ARHGEF18: variants seen among roughly 807,000 people sequenced by gnomAD.
The protein encoded by ARHGEF18 is Rho/Rac guanine nucleotide exchange factor 18.
Under a neutral mutation model 155.7 loss-of-function variants are expected in ARHGEF18, and 93 were observed. The observed-to-expected ratio is 0.60, with a 90% CI of 0.50 to 0.71. ARHGEF18 has a LOEUF of 0.71. ARHGEF18 is among the 30% of genes least tolerant of loss of function. The pLI is 0.00. For synonymous variants in ARHGEF18, 742 were observed against 753.1 expected (o/e 0.99, Z 0.24); for missense variants, 1,593 against 1,816.1 (o/e 0.88, Z 2.23).
Position 7,358,271 on chromosome 19 carries a change from TTCCATCCA to T in ARHGEF18, c.-110-4493_-110-4486del, listed in dbSNP as rs144388403. On this transcript the variant is annotated intron_variant, in intron 1 of 28. Transcript: ENST00000668164. ...CATCCACCCATTCTTCCATCCATTC[TTCCATCCA>T]TCCATCCATCCATCCACTCTTCCAT... Among the ~76,000 whole-genome samples, 583 of 133,446 alleles carry T rather than the reference TTCCATCCA, an allele frequency of 4.4e-3. 8 individuals are homozygous for T. The highest frequency in any genetic ancestry group is 0.016 in the African/African-American group (542 of 33,548). The allele number at this position is 133,446 out of a possible 152,430, so 87.5% of individuals were successfully genotyped here.
chr19:7,419,079 C>A (rs1257738798), intron 10 of ARHGEF18, among the ~76,000 whole-genome samples: 1 of 148,486 alleles, frequency 6.7e-6, no homozygotes, highest in Non-Finnish European at 1.5e-5. Flanking sequence ...CACACTCGGC[C>A]TCTGTACCCT....
chr19:7,387,525 T>A (rs996752990), intron 10 of ARHGEF18, among the ~76,000 whole-genome samples: 29 of 152,278 alleles, frequency 1.9e-4, no homozygotes, highest in African/African-American at 6.7e-4. Flanking sequence ...GTTTTTTACA[T>A]TTGTAAATGG....
chr19:7,441,680 C>T lies in ARHGEF18; in HGVS notation c.1134C>T (p.Ala378=), dbSNP rs949871353. The change falls in exon 12 of 29, where the codon GCC becomes GCT. Residue 378 remains alanine (A), a synonymous_variant. Transcript: ENST00000668164. ...CAATCACAGGAGAGATGGATGAAGC[C>T]GATTCTGCGTTTTTAAAATTTAAGC... ...LGPITGEMDE[A]DSAFLKFKQT... is the part of the protein sequence containing the mutation. 2.5e-6 allele frequency: 4 copies of T among 1,613,968 alleles called. No homozygotes were observed. Among genetic ancestry groups the T allele is most frequent in the African/African-American group, 1.3e-5 (1 of 74,902 alleles).
chr19:7,456,454 C>G lies in ARHGEF18; in HGVS notation c.2181+51C>G, dbSNP rs749129643. 16 of 1,544,008 alleles carry G rather than the reference C, an allele frequency of 1.0e-5. No homozygotes were observed. In the South Asian group the frequency reaches 1.7e-4, roughly 16 times the overall value. Reference sequence around the variant, plus strand: ...AGGGTCGGCTGGGTGCTGTGGCTCACGTCTATAATCCCAGCACTTTGGGAG... The same window carrying G: ...AGGGTCGGCTGGGTGCTGTGGCTCAGGTCTATAATCCCAGCACTTTGGGAG... On this transcript the variant is annotated intron_variant, in intron 18 of 28. Coordinates refer to ENST00000668164, the MANE Select transcript of ARHGEF18 (RefSeq NM_001367823.1).
Position 7,443,206 on chromosome 19 carries a change from A to G in ARHGEF18, c.1361-998A>G, listed in dbSNP as rs1974781427. Among the ~76,000 whole-genome samples, 3 of 151,466 alleles carry G rather than the reference A, an allele frequency of 2.0e-5. No individual in the cohort carries two copies. The South Asian group carries it at 6.3e-4, about 32-fold the overall frequency. ...CAAATAGCTGGAATTACAGGCGCCCACTGCCACGCCCAGCTAATTTTTGTA... is the reference window on the plus strand; with the variant it reads ...CAAATAGCTGGAATTACAGGCGCCCGCTGCCACGCCCAGCTAATTTTTGTA... On this transcript the variant is annotated intron_variant, in intron 13 of 28. Transcript: ENST00000668164.
Position 7,451,266 on chromosome 19 carries a change from G to A in ARHGEF18, c.1855G>A (p.Ala619Thr), listed in dbSNP as rs756709811. ...LVERIIQNTE[A>T]GTEDYEDLTQ... ...GGAGCGCATCATCCAGAACACGGAA[G>A]GTAGGCCTTCTCCCCACTGCCCCGC... The change falls in exon 16 of 29, where the codon GCT (alanine) becomes ACT (threonine). Residue 619 changes from alanine to threonine, a missense_variant and splice_region_variant. By Grantham distance (58) the Ala-to-Thr change is moderately conservative. Transcript: ENST00000668164. 1.2e-5 allele frequency: 20 copies of A among 1,613,488 alleles called. No homozygotes were observed. Among genetic ancestry groups the A allele is most frequent in the Non-Finnish European group, 1.7e-5 (20 of 1,179,866 alleles).
downstream of ARHGEF18, among the ~76,000 whole-genome samples, chr19:7,474,754 A>AGTGAGTGTGTGTGTGT (rs796866599): frequency 3.0e-4 from 43 of 142,038 alleles, no homozygotes; most frequent in African/African-American, 1.1e-3. Context: ...TGGGCATTGG[A>AGTGAGTGTGTGTGTGT]GTGTGTGTGT....
rs752960411 is a variant in ARHGEF18 at position 7,382,914 on chromosome 19, G to A, written c.825+20G>A. ...GAGAAGGTAAGGGGAGCTAAGCCAC[G>A]GGGGCCCTCCTCTGCCTTCCCCAGC... On this transcript the variant is annotated intron_variant, in intron 9 of 28. Transcript: ENST00000668164. 136 of 1,232,446 alleles carry A rather than the reference G, an allele frequency of 1.1e-4. No individual in the cohort carries two copies. The highest frequency in any genetic ancestry group is 1.2e-4 in the Non-Finnish European group (119 of 988,212). The allele number at this position is 1,232,446 out of a possible 1,614,324, so 76.3% of individuals were successfully genotyped here.
intron 26 of ARHGEF18, 66 bp from the exon 27 acceptor site, chr19:7,468,759 C>CG: frequency 1.4e-6 from 2 of 1,459,102 alleles, no homozygotes; most frequent in Non-Finnish European, 1.8e-6. Context: ...GCACGACCCT[C>CG]GGGGGCTCTC....
chr19:7,395,074 G>A lies in ARHGEF18; in HGVS notation c.967+11871G>A. On this transcript the variant is annotated intron_variant, in intron 10 of 28. Transcript: ENST00000668164. The surrounding 1 kb of genome is among the most constrained non-coding windows in gnomAD (Gnocchi z 5.0). ...CGCCTCCTTCCGGGTCACGCCCTCT[G>A]CCCCGCCTCCGAGGCGGGATCGCGC... 3.0e-6 allele frequency: 3 copies of A among 985,494 alleles called. No individual in the cohort carries two copies. Among genetic ancestry groups the A allele is most frequent in the Non-Finnish European group, 2.4e-6 (2 of 829,966 alleles). The allele number at this position is 985,494 out of a possible 1,614,324, so 61.0% of individuals were successfully genotyped here. A position where few individuals can be genotyped will look rare whatever the true frequency, so the allele number is the denominator to read the frequency against.
intron 10 of ARHGEF18, among the ~76,000 whole-genome samples, chr19:7,428,004 A>C (rs1294988872): frequency 3.3e-5 from 5 of 152,178 alleles, no homozygotes; most frequent in African/African-American, 7.2e-5. Context: ...TTTTAAAGGA[A>C]TAGAATAAGA....
At chr19:7,422,788 G>A (rs935620606) in intron 10 of ARHGEF18, among the ~76,000 whole-genome samples, 12 of 142,340 alleles carry the variant, frequency 8.4e-5, no homozygotes, top group Admixed American at 1.6e-4. Context: ...GCAGGATCTC[G>A]GCTCACTGCA....
intron 3 of ARHGEF18, among the ~76,000 whole-genome samples, chr19:7,373,464 T>TTTG (rs1555700824): frequency 1.1e-5 from 1 of 87,848 alleles, no homozygotes; most frequent in African/African-American, 1.4e-4. Context: ...TTTGTGTTTG[T>TTTG]TTTTTTTTTT....
chr19:7,404,321 CG>C (rs772054373), intron 10 of ARHGEF18, among the ~76,000 whole-genome samples: 3 of 152,146 alleles, frequency 2.0e-5, no homozygotes, highest in East Asian at 1.9e-4. Flanking sequence ...AGGGGCTTCT[CG>C]GGCTGCGTTC....
intron 1 of ARHGEF18, among the ~76,000 whole-genome samples, chr19:7,353,968 AAAAG>A (rs564579968): frequency 1.3e-5 from 2 of 150,848 alleles, no homozygotes; most frequent in Non-Finnish European, 3.0e-5. Flanking sequence ...AAAAAAAAAA[AAAAG>A]AAAGAAAGAA....
At chr19:7,355,766 C>A in intron 1 of ARHGEF18, 2 of 954,218 alleles carry the variant, frequency 2.1e-6, no homozygotes, top group Non-Finnish European at 1.2e-6. Flanking sequence ...GGACAGCCTG[C>A]CCGCCATCCC....
At chr19:7,461,172 G>A (rs950345049) in intron 20 of ARHGEF18, among the ~76,000 whole-genome samples, 1 of 151,954 alleles carries the variant, frequency 6.6e-6, no homozygotes, top group Non-Finnish European at 1.5e-5. Context: ...CTGCACTTTG[G>A]GAGGCTGAGG....
At chr19:7,361,950 C>G (rs1180284714) in intron 1 of ARHGEF18, among the ~76,000 whole-genome samples, 2 of 150,414 alleles carry the variant, frequency 1.3e-5, no homozygotes, top group Non-Finnish European at 3.0e-5. Flanking sequence ...TGAGATCACG[C>G]CACTGCACTC....
At chr19:7,478,353 A>C in the ARHGEF18 span, 7 of 1,611,222 alleles carry the variant, frequency 4.3e-6, no homozygotes, top group South Asian at 7.7e-5. Context: ...CCTCTGTCTC[A>C]GTTTCAGCAG....
Sources: gnomAD v4.1 joint callset for allele counts (sites outside exome capture counted in the v4.1 genomes callset) on GRCh38, gnomAD v4.1.1 for gene constraint, Gnocchi (gnomAD v3.1) non-coding constraint, MANE v1.5 for transcripts, NCBI Gene and HGNC (gene_info 2026-07-23, HGNC 2026-07-21) for gene names.